Variants in PECR observed in about 807,000 individuals in gnomAD.
PECR encodes 2,4-dienoyl-CoA reductase-related protein.
PECR carries 30 observed loss-of-function variants against 35.3 expected under a neutral mutation model. That is an observed-to-expected ratio of 0.85 (90% confidence interval 0.64 to 1.15). The LOEUF is 1.15. Among genes scored for constraint, PECR ranks in the 50% most tolerant of loss-of-function variants. PECR has a pLI of 0.00. For missense variants in PECR, 392 were observed against 370.8 expected, an observed-to-expected ratio of 1.06 and a Z score of -0.47; for synonymous variants, 148 against 138.9, an observed-to-expected ratio of 1.07 and a Z score of -0.46.
At chr2:216,057,166 G>A (rs1344878783) in intron 4 of PECR, among the ~76,000 whole-genome samples, 1 of 152,122 alleles carries the variant, frequency 6.6e-6, no homozygotes, top group Non-Finnish European at 1.5e-5. Flanking sequence ...TTTGGCTTTG[G>A]ACTTAGCAAT....
Position 216,043,903 on chromosome 2 carries a change from C to T in PECR, c.826+1G>A. ...TGACTGCTCATTCCTCAGCTGCTCA[C>T]CTGGTACCTCATACGAGTGAGTATA... On this transcript the variant is annotated splice_donor_variant, in intron 7 of 7. Coordinates refer to ENST00000265322, the MANE Select transcript of PECR (RefSeq NM_018441.6). LOFTEE classifies it high-confidence loss of function. 6.6e-7 allele frequency: 1 copy of T among 1,514,550 alleles called. No homozygotes were observed. The highest frequency in any genetic ancestry group is 9.2e-7 in the Non-Finnish European group (1 of 1,088,570). The allele number at this position is 1,514,550 out of a possible 1,614,324, so 93.8% of individuals were successfully genotyped here.
downstream of PECR, chr2:216,034,112 C>G (rs896398192): frequency 4.6e-5 from 7 of 152,186 alleles, no homozygotes; most frequent in African/African-American, 1.7e-4. Flanking sequence ...GCAAGCAGGT[C>G]TTGCATCCTA....
intron 2 of PECR, 78 bp downstream of exon 2, chr2:216,066,307 C>T (rs1695464294): frequency 8.1e-7 from 1 of 1,235,260 alleles, no homozygotes; most frequent in Admixed American, 1.7e-5. Flanking sequence ...ATAGGAGAAC[C>T]TGAAGCATAG....
At chr2:216,079,151 C>CT (rs77646025) in intron 1 of PECR, among the ~76,000 whole-genome samples, 12,258 of 99,354 alleles carry the variant, frequency 0.12, 863 homozygotes, top group African/African-American at 0.25. Flanking sequence ...AATGTTTTTG[C>CT]TTTTTTTTTT....
At chr2:216,040,407 C>T (rs972598301) in intron 7 of PECR, among the ~76,000 whole-genome samples, 2 of 152,144 alleles carry the variant, frequency 1.3e-5, no homozygotes, top group African/African-American at 4.8e-5. Flanking sequence ...CACATGCCAC[C>T]ATGCCAGGCT....
chr2:216,073,372 C>T (rs1164671464), intron 1 of PECR, among the ~76,000 whole-genome samples: 1 of 152,144 alleles, frequency 6.6e-6, no homozygotes. Context: ...GGTGCTGTAG[C>T]CACTGTAATG....
At chr2:216,052,225 C>T (rs1379663890) in intron 4 of PECR, among the ~76,000 whole-genome samples, 1 of 151,694 alleles carries the variant, frequency 6.6e-6, no homozygotes, top group African/African-American at 2.4e-5. Context: ...AGATAGACAC[C>T]ATGGCTTAGA....
At chr2:216,046,310 A>ATATATTTTTT (rs1553560626) in intron 6 of PECR, among the ~76,000 whole-genome samples, 23 of 96,954 alleles carry the variant, frequency 2.4e-4, no homozygotes, top group African/African-American at 7.9e-4. Flanking sequence ...ATATATATAT[A>ATATATTTTTT]TTTTTTTTTT....
intron 1 of PECR, among the ~76,000 whole-genome samples, chr2:216,074,958 G>A (rs1315325625): frequency 6.6e-6 from 1 of 152,210 alleles, no homozygotes; most frequent in Non-Finnish European, 1.5e-5. Flanking sequence ...TAAAATGAAT[G>A]AGATATGACT....
chr2:216,076,794 C>T (rs1239216594), intron 1 of PECR, among the ~76,000 whole-genome samples: 1 of 151,968 alleles, frequency 6.6e-6, no homozygotes, highest in South Asian at 2.1e-4. Flanking sequence ...AGCAAGATTC[C>T]ATCTCAATAA....
intron 5 of PECR, among the ~76,000 whole-genome samples, chr2:216,050,140 T>G (rs1240198125): frequency 6.6e-6 from 1 of 152,150 alleles, no homozygotes; most frequent in Admixed American, 6.6e-5. Flanking sequence ...GAGGATCGCT[T>G]GCGCCCAGGA....
At chr2:216,076,636 C>G (rs1368439439) in intron 1 of PECR, among the ~76,000 whole-genome samples, 1 of 151,896 alleles carries the variant, frequency 6.6e-6, no homozygotes, top group Admixed American at 6.5e-5. Flanking sequence ...TCCATCTCTA[C>G]TAAAAACACA....
intron 1 of PECR, among the ~76,000 whole-genome samples, chr2:216,068,293 G>T (rs1011978695): frequency 1.3e-5 from 2 of 148,412 alleles, no homozygotes; most frequent in African/African-American, 4.9e-5. Context: ...ATAGACCAGT[G>T]ATGAAGAGAA....
At chr2:216,064,696 G>A (rs1303283733) in intron 3 of PECR, among the ~76,000 whole-genome samples, 1 of 152,194 alleles carries the variant, frequency 6.6e-6, no homozygotes, top group East Asian at 1.9e-4. Context: ...AGGTAGAGAT[G>A]TCTGCAAGAC....
chr2:216,046,310 ATTTTTTTTTT>A (rs869225237), intron 6 of PECR, among the ~76,000 whole-genome samples: 1 of 96,974 alleles, frequency 1.0e-5, no homozygotes, highest in Non-Finnish European at 1.9e-5. Context: ...ATATATATAT[ATTTTTTTTTT>A]TTTTTTTTTT....
At chr2:216,048,826 T>G in intron 6 of PECR, among the ~76,000 whole-genome samples, 1 of 116,212 alleles carries the variant, frequency 8.6e-6, no homozygotes, top group Admixed American at 1.2e-4. Context: ...TGTAACAGAG[T>G]GAAACACTGT....
At chr2:216,031,665 A>AACAAAGAAAGAAAGAAAGAAAGAAAG (rs1694705941) in intron 7 of PECR, among the ~76,000 whole-genome samples, 3 of 84,862 alleles carry the variant, frequency 3.5e-5, no homozygotes, top group Non-Finnish European at 7.5e-5. Context: ...GAAAGAAAGA[A>AACAAAGAAAGAAAGAAAGAAAGAAAG]AGAAAGAAAG....
chr2:216,031,653 A>AAG (rs1656090042), intron 7 of PECR, among the ~76,000 whole-genome samples: 1 of 65,518 alleles, frequency 1.5e-5, no homozygotes, highest in South Asian at 4.9e-4. Flanking sequence ...GAAGAAAAGA[A>AAG]AGAAAGAAAG....
chr2:216,041,453 G>T (rs542022161), intron 7 of PECR, among the ~76,000 whole-genome samples: 4 of 152,162 alleles, frequency 2.6e-5, no homozygotes, highest in Non-Finnish European at 4.4e-5. Context: ...CCACATTGAT[G>T]TTATTAGTAA....
Sources: allele counts gnomAD v4.1 joint callset (sites outside exome capture counted in the v4.1 genomes callset), GRCh38; gene constraint gnomAD v4.1.1; transcripts MANE v1.5; gene names NCBI Gene and HGNC (gene_info 2026-07-23, HGNC 2026-07-21).